The following MYO3A variants were observed in gnomAD, a reference collection of about 807,000 sequenced individuals.
MYO3A encodes the protein myosin-IIIa.
MYO3A carries 180 observed loss-of-function variants against 192.7 expected under a neutral mutation model. The ratio of observed to expected loss-of-function variants is 0.93; its 90% CI spans 0.83 to 1.06. The LOEUF (loss-of-function observed/expected upper bound fraction) is 1.06, where lower values mean the gene tolerates loss of function less well. Ranked by LOEUF, MYO3A falls within the 50% of genes least tolerant of loss-of-function variation. The pLI, the probability that MYO3A is intolerant of heterozygous loss-of-function variation, is 0.00. For synonymous variants in MYO3A, 628 were observed against 645.3 expected (o/e 0.97, Z 0.41); for missense variants, 1,896 against 1,905.0 (o/e 1.00, Z 0.09).
intron 23 of MYO3A, among the ~76,000 whole-genome samples, chr10:26,153,036 T>A (rs1218976386): frequency 1.3e-5 from 2 of 152,222 alleles, no homozygotes; most frequent in Admixed American, 6.5e-5. Context: ...GAATTGATAC[T>A]GCATTTTGAA....
At chr10:26,102,713 G>T (rs573974909) in intron 17 of MYO3A, among the ~76,000 whole-genome samples, 2 of 152,298 alleles carry the variant, frequency 1.3e-5, no homozygotes, top group East Asian at 1.9e-4. Context: ...CTGCAGAACC[G>T]CAAATATTGC....
rs1834114631 is a variant in MYO3A, at chr10:26,056,427, A to T, written c.954-10548A>T. On this transcript the variant is annotated intron_variant, in intron 10 of 34. Coordinates refer to ENST00000642920, the MANE Select transcript of MYO3A (RefSeq NM_017433.5). ...AATATTTTAAGCAACAATGACTGAG[A>T]ATTTTCCAAAGTTAACGTCAAATAC... Among the ~76,000 whole-genome samples, 3 of 152,204 alleles carry T rather than the reference A, an allele frequency of 2.0e-5. No individual in the cohort carries two copies. The South Asian group carries it at 6.2e-4, about 32-fold the overall frequency.
intron 28 of MYO3A, 118 bp from the exon 29 acceptor site, chr10:26,170,298 C>A: frequency 8.8e-7 from 1 of 1,135,286 alleles, no homozygotes; most frequent in Non-Finnish European, 1.3e-6. Flanking sequence ...TTCTATTTGG[C>A]ATTTTAATTT....
chr10:26,082,915 T>C (rs745835732), intron 14 of MYO3A, among the ~76,000 whole-genome samples: 2 of 152,210 alleles, frequency 1.3e-5, no homozygotes, highest in Non-Finnish European at 2.9e-5. Flanking sequence ...ATTTAATGCC[T>C]TTTAATCTTA....
chr10:26,202,707 G>T (rs1340305244), intron 33 of MYO3A: 11 of 412,852 alleles, frequency 2.7e-5, no homozygotes, highest in Non-Finnish European at 4.9e-5. Flanking sequence ...CTAGTTTGGT[G>T]CCAAGTTCAG....
chr10:26,077,344 T>C (rs1477010372), intron 14 of MYO3A, among the ~76,000 whole-genome samples: 8 of 151,220 alleles, frequency 5.3e-5, no homozygotes, highest in Admixed American at 4.6e-4. Flanking sequence ...TTGTATATAT[T>C]AATCTCGTAT....
At chr10:25,951,349 G>C (rs1837196911) in intron 2 of MYO3A, among the ~76,000 whole-genome samples, 1 of 152,138 alleles carries the variant, frequency 6.6e-6, no homozygotes, top group South Asian at 2.1e-4. Context: ...AGTGCTGCTG[G>C]AGTACCGAGG....
intron 10 of MYO3A, among the ~76,000 whole-genome samples, chr10:26,051,549 A>G (rs367696648): frequency 0.16 from 23,973 of 147,926 alleles, 2,229 homozygotes; most frequent in Non-Finnish European, 0.21. Flanking sequence ...ACATATATAT[A>G]TTATATACTA....
intron 29 of MYO3A, among the ~76,000 whole-genome samples, chr10:26,172,943 C>A (rs1454051781): frequency 6.6e-6 from 1 of 151,980 alleles, no homozygotes; most frequent in East Asian, 1.9e-4. Context: ...AAAAGCCCTC[C>A]AAGTAGCAAC....
intron 10 of MYO3A, among the ~76,000 whole-genome samples, chr10:26,059,047 C>T (rs1054216656): frequency 6.6e-6 from 1 of 152,074 alleles, no homozygotes; most frequent in Non-Finnish European, 1.5e-5. Context: ...TGTCTGAAAA[C>T]CTTGCTGTAA....
At chr10:26,208,309 C>T (rs963637848) in intron 34 of MYO3A, among the ~76,000 whole-genome samples, 2 of 152,046 alleles carry the variant, frequency 1.3e-5, no homozygotes, top group Non-Finnish European at 2.9e-5. Context: ...TAAGATGGAA[C>T]ACAAGTGCCT....
At chr10:26,128,727 C>A (rs1185414749) in intron 20 of MYO3A, among the ~76,000 whole-genome samples, 189 bp downstream of exon 20, 1 of 152,170 alleles carries the variant, frequency 6.6e-6, no homozygotes, top group Admixed American at 6.6e-5. Flanking sequence ...TTTAGTGTGA[C>A]TGATATGTGA....
Position 26,157,435 on chromosome 10 carries a change from G to A in MYO3A, c.2919G>A (p.Arg973=), listed in dbSNP as rs1230616646. The A allele has an allele frequency of 8.1e-6, 13 of 1,614,040 alleles. 1 individual carries two copies. The Admixed American group carries it at 2.0e-4, about 25-fold the overall frequency. Reference sequence around the variant, plus strand: ...AAGAGAAAGTTCTGCTACAGCTTCGGTACACAGGAATTCTGGAAACAGCAA... The same window carrying A: ...AAGAGAAAGTTCTGCTACAGCTTCGATACACAGGAATTCTGGAAACAGCAA... ...YDKEKVLLQL[R]YTGILETARI... The change falls in exon 26 of 35, where the codon CGG becomes CGA. Residue 973 remains arginine (R), a synonymous_variant. Coordinates refer to ENST00000642920, the MANE Select transcript of MYO3A (RefSeq NM_017433.5).
rs1287835895 is a variant in MYO3A at position 26,021,640 on chromosome 10, A to G, written c.723A>G (p.Lys241=). 4 of 1,614,090 alleles carry G rather than the reference A, an allele frequency of 2.5e-6. No individual in the cohort carries two copies. In the South Asian group the frequency reaches 3.3e-5, roughly 13 times the overall value. ...ADLHPMRALF[K]IPRNPPPKLR... is the part of the protein sequence containing the mutation. ...TTCATCCCATGAGAGCACTCTTCAA[A>G]ATACCAAGGTCAGATGACTAACATT... Residue 241 remains lysine (K), a synonymous_variant, in exon 8 of 35, where the codon AAA becomes AAG. Coordinates refer to ENST00000642920, the MANE Select transcript of MYO3A (RefSeq NM_017433.5).
intron 4 of MYO3A, among the ~76,000 whole-genome samples, chr10:25,991,091 A>G (rs1282065214): frequency 7.6e-4 from 115 of 152,240 alleles, no homozygotes; most frequent in Non-Finnish European, 1.2e-3. Flanking sequence ...TCACCACACT[A>G]TCTTCCACAA....
At chr10:26,030,418 T>G (rs914254990) in intron 10 of MYO3A, among the ~76,000 whole-genome samples, 5 of 152,162 alleles carry the variant, frequency 3.3e-5, no homozygotes, top group African/African-American at 1.2e-4. Context: ...CACAACACTC[T>G]CTTGACCATG....
chr10:26,180,310 T>C (rs1468842215), intron 31 of MYO3A, among the ~76,000 whole-genome samples: 1 of 152,186 alleles, frequency 6.6e-6, no homozygotes, highest in African/African-American at 2.4e-5. Context: ...CAACACTCTG[T>C]ACTGATGAAA....
intron 17 of MYO3A, among the ~76,000 whole-genome samples, chr10:26,104,692 G>A (rs1837681550): frequency 1.3e-5 from 2 of 151,660 alleles, no homozygotes; most frequent in Non-Finnish European, 2.9e-5. Flanking sequence ...AAATTTGAAG[G>A]ATCACCTTGT....
chr10:25,978,121 T>C (rs1839070779), intron 4 of MYO3A, among the ~76,000 whole-genome samples: 1 of 152,244 alleles, frequency 6.6e-6, no homozygotes, highest in African/African-American at 2.4e-5. Flanking sequence ...TTGAATATCT[T>C]GTTTTAATAA....
Sources: allele counts gnomAD v4.1 joint callset (sites outside exome capture counted in the v4.1 genomes callset), GRCh38; gene constraint gnomAD v4.1.1; transcripts MANE v1.5; gene names NCBI Gene and HGNC (gene_info 2026-07-23, HGNC 2026-07-21).